The following MACROD2 variants were observed in gnomAD, a reference collection of about 807,000 sequenced individuals.
The protein encoded by MACROD2 is ADP-ribose glycohydrolase MACROD2.
In MACROD2, 36 loss-of-function variants were observed where a neutral mutation model predicts 70.4. That is an observed-to-expected ratio of 0.51 (90% CI 0.39 to 0.68). The LOEUF (loss-of-function observed/expected upper bound fraction) is 0.68. MACROD2 is among the 30% of genes least tolerant of loss of function. The pLI, the probability that MACROD2 is intolerant of heterozygous loss-of-function variation, is 0.00. For synonymous variants in MACROD2, 172 were observed against 178.8 expected (o/e 0.96, Z 0.30); for missense variants, 496 against 538.4 (o/e 0.92, Z 0.78).
chr20:14,457,944 A>G (rs1210213974), intron 3 of MACROD2, among the ~76,000 whole-genome samples: 1 of 152,014 alleles, frequency 6.6e-6, no homozygotes, highest in Non-Finnish European at 1.5e-5. Context: ...TACTAAAAAT[A>G]CAAAAAATTT....
At chr20:15,780,352 A>G in intron 8 of MACROD2, among the ~76,000 whole-genome samples, 1 of 152,150 alleles carries the variant, frequency 6.6e-6, no homozygotes, top group Non-Finnish European at 1.5e-5. Context: ...CTCTGAGCAG[A>G]TAGTTAAGCT....
intron 4 of MACROD2, among the ~76,000 whole-genome samples, chr20:14,577,418 G>C (rs1980670708): frequency 2.0e-5 from 3 of 152,132 alleles, no homozygotes. Context: ...AGACCTAAAA[G>C]GGATTATAAT....
intron 5 of MACROD2, among the ~76,000 whole-genome samples, chr20:14,685,574 T>G (rs1278301812): frequency 6.6e-6 from 1 of 152,206 alleles, no homozygotes; most frequent in Non-Finnish European, 1.5e-5. Context: ...ACCTTATTGC[T>G]TAGTGATTCA....
chr20:14,104,298 G>A (rs1190229034), intron 3 of MACROD2, among the ~76,000 whole-genome samples: 1 of 152,140 alleles, frequency 6.6e-6, no homozygotes, highest in Non-Finnish European at 1.5e-5. Flanking sequence ...CACCAATAGG[G>A]TACAAAGTAA....
intron 4 of MACROD2, among the ~76,000 whole-genome samples, chr20:14,640,726 A>G (rs1285845146): frequency 1.3e-5 from 2 of 152,224 alleles, no homozygotes; most frequent in Non-Finnish European, 2.9e-5. Flanking sequence ...TTTATATTCT[A>G]CTATAGTCTA....
At chr20:14,022,915 A>T (rs2053108336) in intron 2 of MACROD2, among the ~76,000 whole-genome samples, 1 of 152,186 alleles carries the variant, frequency 6.6e-6, no homozygotes, top group Non-Finnish European at 1.5e-5. Flanking sequence ...ATGTGTCTTT[A>T]TAGTAGAATG....
chr20:15,372,120 TTTCATCTC>T (rs1414120484), intron 6 of MACROD2, among the ~76,000 whole-genome samples: 3 of 152,222 alleles, frequency 2.0e-5, no homozygotes, highest in Non-Finnish European at 4.4e-5. Flanking sequence ...AATCAATTCA[TTTCATCTC>T]TATGGAAAAA....
At chr20:14,404,248 A>G (rs1368532953) in intron 3 of MACROD2, among the ~76,000 whole-genome samples, 1 of 152,172 alleles carries the variant, frequency 6.6e-6, no homozygotes, top group Non-Finnish European at 1.5e-5. Context: ...AGAATAGGGT[A>G]GAGGTAGTAT....
chr20:15,458,543 G>A (rs1026137310), intron 7 of MACROD2, among the ~76,000 whole-genome samples: 1 of 151,230 alleles, frequency 6.6e-6, no homozygotes, highest in African/African-American at 2.4e-5. Flanking sequence ...ATTTAGCACT[G>A]AATCAGAGAA....
intron 3 of MACROD2, among the ~76,000 whole-genome samples, chr20:14,218,826 A>G (rs937675849): frequency 5.9e-5 from 9 of 152,142 alleles, no homozygotes; most frequent in African/African-American, 1.9e-4. Context: ...TTCTTGGCTG[A>G]TAATTGTTTT....
chr20:14,712,285 C>T (rs1439208223), intron 5 of MACROD2, among the ~76,000 whole-genome samples: 1 of 152,072 alleles, frequency 6.6e-6, no homozygotes, highest in Non-Finnish European at 1.5e-5. Flanking sequence ...AATTAGTATG[C>T]ATTATTAAAA....
At chr20:15,195,462 C>T (rs2076599677) in intron 5 of MACROD2, among the ~76,000 whole-genome samples, 1 of 151,850 alleles carries the variant, frequency 6.6e-6, no homozygotes, top group Non-Finnish European at 1.5e-5. Flanking sequence ...ATACTTGCAG[C>T]CAACAAACAT....
At chr20:14,563,488 AG>A in intron 4 of MACROD2, among the ~76,000 whole-genome samples, 1 of 152,112 alleles carries the variant, frequency 6.6e-6, no homozygotes, top group East Asian at 1.9e-4. Flanking sequence ...GAGAGTGCAG[AG>A]AAACTGGACA....
chr20:14,373,246 C>A (rs958105185), intron 3 of MACROD2, among the ~76,000 whole-genome samples: 1 of 152,000 alleles, frequency 6.6e-6, no homozygotes, highest in African/African-American at 2.4e-5. Flanking sequence ...CTTGCTTTTC[C>A]ATGTGATTAT....
At chr20:14,474,583 C>T (rs182859811) in intron 3 of MACROD2, among the ~76,000 whole-genome samples, 4 of 152,052 alleles carry the variant, frequency 2.6e-5, no homozygotes, top group East Asian at 1.9e-4. Context: ...AGTCTTCTAC[C>T]GTTAATGTTA....
chr20:14,356,498 C>CTTTTTTTTTTTTTTTT (rs71190132), intron 3 of MACROD2, among the ~76,000 whole-genome samples: 1 of 76,786 alleles, frequency 1.3e-5, no homozygotes, highest in Non-Finnish European at 2.6e-5. Context: ...GATCTACTTT[C>CTTTTTTTTTTTTTTTT]TTTTTTTTTT....
intron 6 of MACROD2, among the ~76,000 whole-genome samples, chr20:15,247,330 G>A (rs116335341): frequency 6.6e-6 from 1 of 152,282 alleles, no homozygotes; most frequent in African/African-American, 2.4e-5. Flanking sequence ...GGTGAAGCAC[G>A]TAGGCCTCAG....
chr20:15,336,636 C>T (rs954538219), intron 6 of MACROD2, among the ~76,000 whole-genome samples: 3 of 48,398 alleles, frequency 6.2e-5, no homozygotes, highest in African/African-American at 9.9e-5. Context: ...TTTCAAAAGT[C>T]TTGCTCTTCA....
intron 6 of MACROD2, among the ~76,000 whole-genome samples, chr20:15,281,066 CACT>C (rs1568689530): frequency 6.6e-6 from 1 of 152,226 alleles, no homozygotes; most frequent in African/African-American, 2.4e-5. Context: ...GCAAGAGAAA[CACT>C]AGACGCTTAT....
Sources: allele counts gnomAD v4.1 joint callset (sites outside exome capture counted in the v4.1 genomes callset), GRCh38; gene constraint gnomAD v4.1.1; transcripts MANE v1.5; gene names NCBI Gene and HGNC (gene_info 2026-07-23, HGNC 2026-07-21).